Variants in RAB3C observed in about 807,000 individuals in gnomAD.
RAB3C encodes RAB3C, member RAS oncogene family.
Under a neutral mutation model 26.4 loss-of-function variants are expected in RAB3C, and 17 were observed. The ratio of observed to expected loss-of-function variants is 0.64; its 90% CI spans 0.44 to 0.97. The LOEUF is 0.97. RAB3C is among the 50% of genes least tolerant of loss of function. The pLI, the probability that RAB3C is intolerant of heterozygous loss-of-function variation, is 0.00. For missense variants in RAB3C, 242 were observed against 281.9 expected (o/e 0.86, Z 1.01); for synonymous variants, 91 against 95.9 (o/e 0.95, Z 0.30).
chr5:58,647,671 C>A (rs1425572748), intron 2 of RAB3C: 1 of 152,206 alleles, frequency 6.6e-6, no homozygotes. Flanking sequence ...GGCAGCCTCA[C>A]AAGAATATCT....
At chr5:58,846,421 C>T (rs576511989) in intron 4 of RAB3C, among the ~76,000 whole-genome samples, 1 of 152,216 alleles carries the variant, frequency 6.6e-6, no homozygotes, top group African/African-American at 2.4e-5. Flanking sequence ...GCTCTGTCAC[C>T]CAGGCTGGAG....
chr5:58,749,291 T>C (rs978848893), intron 3 of RAB3C, among the ~76,000 whole-genome samples: 16 of 152,192 alleles, frequency 1.1e-4, no homozygotes, highest in Non-Finnish European at 1.5e-5. Flanking sequence ...GAAATTGTGA[T>C]TTTTAAAAAA....
chr5:58,840,659 G>T (rs1743857036), intron 4 of RAB3C, among the ~76,000 whole-genome samples: 1 of 151,972 alleles, frequency 6.6e-6, no homozygotes, highest in South Asian at 2.1e-4. Flanking sequence ...GAGTACATTG[G>T]CTTTGCTTCT....
chr5:58,714,131 A>G, intron 2 of RAB3C, among the ~76,000 whole-genome samples: 1 of 152,180 alleles, frequency 6.6e-6, no homozygotes, highest in East Asian at 1.9e-4. Flanking sequence ...AGAGCCTAAG[A>G]AACTTGGACT....
chr5:58,613,717 A>G (rs559947320), intron 1 of RAB3C, among the ~76,000 whole-genome samples: 1 of 152,126 alleles, frequency 6.6e-6, no homozygotes, highest in Non-Finnish European at 1.5e-5. Context: ...CTTTGGACTA[A>G]GTAGGTAAAT....
chr5:58,660,448 G>C (rs1747879727), intron 2 of RAB3C, among the ~76,000 whole-genome samples: 1 of 150,118 alleles, frequency 6.7e-6, no homozygotes, highest in Non-Finnish European at 1.5e-5. Flanking sequence ...GACGTAAATA[G>C]ACTTGCAAAG....
At chr5:58,842,794 C>T (rs112412044) in intron 4 of RAB3C, among the ~76,000 whole-genome samples, 3 of 152,154 alleles carry the variant, frequency 2.0e-5, no homozygotes, top group African/African-American at 7.2e-5. Flanking sequence ...TGAAGCTTCA[C>T]ATAGTGTTCT....
intron 3 of RAB3C, among the ~76,000 whole-genome samples, chr5:58,764,678 T>C (rs1425804012): frequency 6.6e-6 from 1 of 152,180 alleles, no homozygotes; most frequent in Non-Finnish European, 1.5e-5. Context: ...GCACTCACTA[T>C]AAAATAGCAG....
chr5:58,853,223 G>A lies in RAB3C; in HGVS notation c.*1872G>A, dbSNP rs565133812. On this transcript the variant is annotated 3_prime_UTR_variant, in exon 5 of 5. Transcript: ENST00000282878. ...AATTACAGTGACGGGAGAGAAAGAA[G>A]CAGGAGGCATAAAAACAGATTTGTT... The A allele has an allele frequency of 6.6e-6, 1 of 152,306 alleles. No individual in the cohort carries two copies. Among genetic ancestry groups the A allele is most frequent in the African/African-American group, 2.4e-5 (1 of 41,588 alleles). The allele number at this position is 152,306 out of a possible 1,614,324, so 9.4% of individuals were successfully genotyped here.
At chr5:58,604,703 G>A (rs1054923153) in intron 1 of RAB3C, among the ~76,000 whole-genome samples, 2 of 152,186 alleles carry the variant, frequency 1.3e-5, no homozygotes, top group African/African-American at 2.4e-5. Context: ...GGCAAGATGG[G>A]CTTGAAAACT....
In RAB3C at chr5:58,583,249, A is replaced by G. The variant is rs759206368; in HGVS notation, c.24+17A>G. 2 of 1,614,194 alleles carry G rather than the reference A, an allele frequency of 1.2e-6. No homozygotes were observed. The highest frequency in any genetic ancestry group is 1.1e-5 in the South Asian group (1 of 91,068). The stretch of plus-strand genomic sequence containing the variant: ...CCCATGCAGGTGGGTCCATAAAGAA[A>G]GAGTGGCCTCGGGAGGAATTGAAAG... On this transcript the variant is annotated intron_variant, in intron 1 of 4. Transcript: ENST00000282878.
intron 4 of RAB3C, among the ~76,000 whole-genome samples, chr5:58,837,017 C>G (rs555362060): frequency 6.6e-6 from 1 of 152,152 alleles, no homozygotes; most frequent in Admixed American, 6.5e-5. Context: ...TAAGAGTTTT[C>G]TTTTCTCTGC....
Position 58,853,039 on chromosome 5 carries a change from C to A in RAB3C, c.*1688C>A, listed in dbSNP as rs186777666. The A allele has an allele frequency of 1.3e-5, 2 of 152,308 alleles. No individual in the cohort carries two copies. Among genetic ancestry groups the A allele is most frequent in the East Asian group, 1.9e-4 (1 of 5,186 alleles). The allele number at this position is 152,308 out of a possible 1,614,324, so 9.4% of individuals were successfully genotyped here. A position where few individuals can be genotyped will look rare whatever the true frequency, so the allele number is the denominator to read the frequency against. On this transcript the variant is annotated 3_prime_UTR_variant, in exon 5 of 5. Coordinates refer to ENST00000282878, the MANE Select transcript of RAB3C (RefSeq NM_138453.4). ...GAGAGAGCATTTGGAATGCTTTAAG[C>A]ATTTCCATGTTATTTCTCACCTTCC...
intron 3 of RAB3C, among the ~76,000 whole-genome samples, chr5:58,785,953 T>C (rs929699522): frequency 3.9e-5 from 6 of 152,214 alleles, no homozygotes; most frequent in Non-Finnish European, 5.9e-5. Flanking sequence ...AAGAAATTTG[T>C]GAAGCTTCTA....
intron 3 of RAB3C, among the ~76,000 whole-genome samples, chr5:58,779,842 C>T (rs1248738293): frequency 6.6e-6 from 1 of 152,088 alleles, no homozygotes; most frequent in Non-Finnish European, 1.5e-5. Context: ...AAAAAAGGTA[C>T]TTAGCCACAT....
intron 3 of RAB3C, among the ~76,000 whole-genome samples, chr5:58,736,935 G>A (rs1038584420): frequency 6.6e-6 from 1 of 152,128 alleles, no homozygotes; most frequent in African/African-American, 2.4e-5. Flanking sequence ...CAGGACAGCA[G>A]CTGGAGTGAG....
intron 2 of RAB3C, among the ~76,000 whole-genome samples, chr5:58,677,916 T>C (rs527256970): frequency 2.0e-5 from 3 of 152,030 alleles, no homozygotes; most frequent in South Asian, 4.2e-4. Flanking sequence ...TGACCTAGAA[T>C]CAAAGAATGA....
chr5:58,616,029 C>A (rs1350031160), intron 1 of RAB3C, among the ~76,000 whole-genome samples: 1 of 150,380 alleles, frequency 6.6e-6, no homozygotes, highest in African/African-American at 2.4e-5. Context: ...TTCAGGTAAC[C>A]AGTGTTGTCC....
rs549791404 is a variant in RAB3C at position 58,859,126 on chromosome 5, C to G, written c.*7775C>G. On this transcript the variant is annotated 3_prime_UTR_variant, in exon 5 of 5. Transcript: ENST00000282878. ...CAGCTTAATGCTTTCATATAGTGAC[C>G]GACATTTAGTTGAAAACTACTGCTG... 1.3e-5 allele frequency: 2 copies of G among 152,148 alleles called. No homozygotes were observed. Among genetic ancestry groups the G allele is most frequent in the East Asian group, 3.8e-4 (2 of 5,198 alleles). The allele number at this position is 152,148 out of a possible 1,614,324, so 9.4% of individuals were successfully genotyped here.
Sources: allele counts gnomAD v4.1 joint callset (sites outside exome capture counted in the v4.1 genomes callset), GRCh38; gene constraint gnomAD v4.1.1; transcripts MANE v1.5; gene names NCBI Gene and HGNC (gene_info 2026-07-23, HGNC 2026-07-21).